MOCS1: variants seen among roughly 807,000 people sequenced by gnomAD.
The protein encoded by MOCS1 is molybdenum cofactor biosynthesis protein 1.
In MOCS1, 39 loss-of-function variants were observed where a neutral mutation model predicts 57.6. The ratio of observed to expected loss-of-function variants is 0.68; its 90% confidence interval spans 0.52 to 0.88. MOCS1 has a LOEUF of 0.88. Ranked by LOEUF, MOCS1 falls within the 40% of genes least tolerant of loss-of-function variation. The probability of loss-of-function intolerance (pLI) is 0.00; values close to 1 mark genes in which losing one functional copy is unlikely to be tolerated. For synonymous variants in MOCS1, 334 were observed against 335.7 expected (o/e 1.00, Z 0.05); for missense variants, 795 against 831.1 (o/e 0.96, Z 0.53).
chr6:39,929,962 A>AAAAAAG (rs1554192264), intron 1 of MOCS1, among the ~76,000 whole-genome samples: 1 of 136,534 alleles, frequency 7.3e-6, no homozygotes, highest in African/African-American at 2.6e-5. Flanking sequence ...AAAAAAAAAA[A>AAAAAAG]TGGAATTTGG....
chr6:39,925,666 C>G lies in MOCS1; in HGVS notation c.418+12G>C. On this transcript the variant is annotated intron_variant, in intron 3 of 10. Transcript: ENST00000340692. ...CGCTGGGAGAAGTGGCGATGACTTTCGTCCAACTCACCCACAATGTCCACC... is the reference window on the plus strand; with the variant it reads ...CGCTGGGAGAAGTGGCGATGACTTTGGTCCAACTCACCCACAATGTCCACC... The G allele has an allele frequency of 6.2e-7, 1 of 1,612,812 alleles. No individual in the cohort carries two copies. The highest frequency in any genetic ancestry group is 1.3e-5 in the African/African-American group (1 of 75,050).
intron 1 of MOCS1, among the ~76,000 whole-genome samples, chr6:39,932,705 T>C (rs560227968): frequency 6.6e-6 from 1 of 152,346 alleles, no homozygotes; most frequent in East Asian, 1.9e-4. Flanking sequence ...GGGAGGGGAC[T>C]CACAGGACAG....
chr6:39,908,919 A>C, intron 10 of MOCS1, 136 bp downstream of exon 10: 1 of 782,012 alleles, frequency 1.3e-6, no homozygotes, highest in Non-Finnish European at 2.3e-6. Flanking sequence ...AGAAGAGATG[A>C]AGGAGGAATA....
chr6:39,925,825 C>T lies in MOCS1; in HGVS notation c.271G>A (p.Glu91Lys), dbSNP rs763325770. The T allele has an allele frequency of 1.2e-6, 2 of 1,612,520 alleles. No individual in the cohort carries two copies. The highest frequency in any genetic ancestry group is 1.7e-5 in the Admixed American group (1 of 60,018). The change falls in exon 3 of 11, where the codon GAG (glutamate) becomes AAG (lysine). Residue 91 changes from glutamate to lysine, a missense_variant. By Grantham distance (56) the Glu-to-Lys change is moderately conservative (BLOSUM62 1). Around this residue, in one of 3 missense-constraint regions of MOCS1, gnomAD observed 416 missense variants for 392.4 expected, o/e 1.06. Transcript: ENST00000340692. Reference sequence around the variant, plus strand: ...GCTTTGGGGGTCAGCGGGACCCCCTCCTCGGGCATGCAGTACTGACCTGAG... The same window carrying T: ...GCTTTGGGGGTCAGCGGGACCCCCTTCTCGGGCATGCAGTACTGACCTGAG... ...NLRCQYCMPEEGVPLTPKANL... is the reference protein window; with the variant it reads ...NLRCQYCMPEKGVPLTPKANL...
rs1228735203 is a variant in MOCS1 at position 39,904,910 on chromosome 6, T to C, written c.*1447A>G. Reference sequence around the variant, plus strand: ...TGTGCCTTCTTCCTATGAGGGGATCTGGGGTGGGCTGAGAGTGTGCTGGAG... The same window carrying C: ...TGTGCCTTCTTCCTATGAGGGGATCCGGGGTGGGCTGAGAGTGTGCTGGAG... On this transcript the variant is annotated 3_prime_UTR_variant, in exon 11 of 11. Transcript: ENST00000340692. 3.1e-5 allele frequency: 14 copies of C among 454,134 alleles called. No homozygotes were observed. The highest frequency in any genetic ancestry group is 2.6e-4 in the Admixed American group (11 of 42,584). The allele number at this position is 454,134 out of a possible 1,614,324, so 28.1% of individuals were successfully genotyped here.
intron 1 of MOCS1, among the ~76,000 whole-genome samples, chr6:39,929,011 A>G (rs1218282263): frequency 8.5e-5 from 13 of 152,194 alleles, no homozygotes; most frequent in Admixed American, 8.5e-4. Context: ...TACGTTTTCA[A>G]TCTCTCCAGG....
chr6:39,914,499 A>G (rs1767541172), intron 4 of MOCS1, among the ~76,000 whole-genome samples: 1 of 152,196 alleles, frequency 6.6e-6, no homozygotes, highest in Non-Finnish European at 1.5e-5. Context: ...TTATTGTCTC[A>G]ACAATCATTA....
Position 39,931,002 on chromosome 6 carries a change from T to C in MOCS1, c.123+3293A>G, listed in dbSNP as rs79542316. 4.1e-3 allele frequency among the ~76,000 whole-genome samples: 629 copies of C among 152,342 alleles called. 6 individuals carry two copies. The highest frequency in any genetic ancestry group is 0.031 in the East Asian group (163 of 5,180). ...TGCTGTGATCAGTTTTTCTAGTTTG[T>C]CAGCTTCCCTTCCCTTCCAAGACCC... On this transcript the variant is annotated intron_variant, in intron 1 of 10. Coordinates refer to ENST00000340692, the MANE Select transcript of MOCS1 (RefSeq NM_001358530.2).
rs1378104048 is a variant in MOCS1, at chr6:39,904,217, T to C, written c.*2140A>G. Reference sequence around the variant, plus strand: ...GAAAAGCAGAATTTGGTTCAACTGTTGACAGAGGACACAAATACGTTGTTC... The same window carrying C: ...GAAAAGCAGAATTTGGTTCAACTGTCGACAGAGGACACAAATACGTTGTTC... On this transcript the variant is annotated 3_prime_UTR_variant, in exon 11 of 11. Coordinates refer to ENST00000340692, the MANE Select transcript of MOCS1 (RefSeq NM_001358530.2). 8.8e-6 allele frequency: 4 copies of C among 456,734 alleles called. No homozygotes were observed. The East Asian group carries it at 2.8e-4, about 32-fold the overall frequency. 28.3% of individuals were successfully genotyped at this position (456,734 alleles called of 1,614,324 possible). A position where few individuals can be genotyped will look rare whatever the true frequency, so the allele number is the denominator to read the frequency against.
intron 5 of MOCS1, 36 bp downstream of exon 5, chr6:39,913,738 G>A (rs748239112): frequency 3.1e-6 from 5 of 1,610,646 alleles, no homozygotes; most frequent in East Asian, 2.2e-5. Flanking sequence ...CAGTGTGGAG[G>A]GAAGTCGGGA....
intron 6 of MOCS1, 27 bp downstream of exon 6, chr6:39,913,290 T>C: frequency 6.3e-7 from 1 of 1,598,358 alleles, no homozygotes; most frequent in Non-Finnish European, 8.6e-7. Flanking sequence ...CCTTCTTCCC[T>C]CCCTCAACCC....
intron 2 of MOCS1, among the ~76,000 whole-genome samples, chr6:39,926,858 T>C (rs73414898): frequency 0.029 from 4,322 of 148,112 alleles, 233 homozygotes; most frequent in African/African-American, 0.1. Flanking sequence ...TTTGGGAGGA[T>C]TATGAAATGA....
Position 39,904,973 on chromosome 6 carries a change from A to AT in MOCS1, c.*1383dup, listed in dbSNP as rs1436299328. 2.2e-6 allele frequency: 1 copy of AT among 454,038 alleles called. No homozygotes were observed. Among genetic ancestry groups the AT allele is most frequent in the African/African-American group, 2.0e-5 (1 of 50,060 alleles). 28.1% of individuals were successfully genotyped at this position (454,038 alleles called of 1,614,324 possible). On this transcript the variant is annotated 3_prime_UTR_variant, in exon 11 of 11. Transcript: ENST00000340692. The stretch of plus-strand genomic sequence containing the variant: ...AGCTCTGTGAGAACCAATTGTTTAC[A>AT]TTTTCAGAAATTTTGCAAGCCATTT...
At position 39,923,758 on chromosome 6, in the gene MOCS1, G is replaced by T. The variant is rs78487722; in HGVS notation, c.418+1920C>A. 2.6e-3 allele frequency among the ~76,000 whole-genome samples: 394 copies of T among 152,388 alleles called. 2 individuals carry two copies. Among genetic ancestry groups the T allele is most frequent in the African/African-American group, 9.0e-3 (376 of 41,598 alleles). On this transcript the variant is annotated intron_variant, in intron 3 of 10. Transcript: ENST00000340692. ...GTAGGAGCTGAAGGGAGCTGGCCATGGGGCAGGAGGGAGAAGAGGGCTGTC... is the reference window on the plus strand; with the variant it reads ...GTAGGAGCTGAAGGGAGCTGGCCATTGGGCAGGAGGGAGAAGAGGGCTGTC...
chr6:39,905,994 C>T lies in MOCS1; in HGVS notation c.*363G>A, dbSNP rs1451506108. The T allele has an allele frequency of 2.1e-6, 1 of 479,908 alleles. No individual in the cohort carries two copies. Among genetic ancestry groups the T allele is most frequent in the Non-Finnish European group, 4.1e-6 (1 of 244,772 alleles). The allele number at this position is 479,908 out of a possible 1,614,324, so 29.7% of individuals were successfully genotyped here. ...CCCAGGAAAGCAGGAGAAGAGAAAA[C>T]CCAAAATGAGAAGGAAAAGTTCTGG... On this transcript the variant is annotated 3_prime_UTR_variant, in exon 11 of 11. Coordinates refer to ENST00000340692, the MANE Select transcript of MOCS1 (RefSeq NM_001358530.2).
rs1562075487 is a variant in MOCS1, at chr6:39,904,528, C to CATCA, written c.*1825_*1828dup. On this transcript the variant is annotated 3_prime_UTR_variant, in exon 11 of 11. Transcript: ENST00000340692. ...ATTTTGTGGCCAATGTAAAATTCGT[C>CATCA]ATCAACCTAACAAACACAACCTTCT... The CATCA allele has an allele frequency of 2.2e-6, 1 of 454,284 alleles. No individual in the cohort carries two copies. The highest frequency in any genetic ancestry group is 4.4e-6 in the Non-Finnish European group (1 of 226,966). 28.1% of individuals were successfully genotyped at this position (454,284 alleles called of 1,614,324 possible). A position where few individuals can be genotyped will look rare whatever the true frequency, so the allele number is the denominator to read the frequency against.
At chr6:39,923,742 G>C (rs1445968533) in intron 3 of MOCS1, among the ~76,000 whole-genome samples, 1 of 152,268 alleles carries the variant, frequency 6.6e-6, no homozygotes, top group East Asian at 1.9e-4. Context: ...AGTAGGAGCT[G>C]AAGGGAGCTG....
At chr6:39,931,138 A>C (rs575604875) in intron 1 of MOCS1, among the ~76,000 whole-genome samples, 7 of 152,280 alleles carry the variant, frequency 4.6e-5, no homozygotes, top group Non-Finnish European at 8.8e-5. Flanking sequence ...ACTGGTGTGC[A>C]TCAGCAGGCA....
rs1435967116 is a variant in MOCS1, at chr6:39,906,921, G to A, written c.1347C>T (p.Tyr449=). 7 of 1,614,064 alleles carry A rather than the reference G, an allele frequency of 4.3e-6. No individual in the cohort carries two copies. In the East Asian group the frequency reaches 1.6e-4, roughly 36 times the overall value. ...RLGSGSFQRH[Y]TSRADSDANS... is the part of the protein sequence containing the mutation. ...TGGCATCTGAGTCTGCACGGGAAGTGTAGTGTCTCTGAAAGGAGCCAGACC... is the reference window on the plus strand; with the variant it reads ...TGGCATCTGAGTCTGCACGGGAAGTATAGTGTCTCTGAAAGGAGCCAGACC... Residue 449 remains tyrosine, a synonymous_variant, in exon 11 of 11, where the codon TAC becomes TAT. Coordinates refer to ENST00000340692, the MANE Select transcript of MOCS1 (RefSeq NM_001358530.2).
Sources: allele counts gnomAD v4.1 joint callset (sites outside exome capture counted in the v4.1 genomes callset), GRCh38; gene constraint gnomAD v4.1.1; regional missense constraint gnomAD v4.1.1; transcripts MANE v1.5; gene names NCBI Gene and HGNC (gene_info 2026-07-23, HGNC 2026-07-21).